The following KCND3 variants were observed in gnomAD, a reference collection of about 807,000 sequenced individuals.
The protein encoded by KCND3 is potassium voltage-gated channel subfamily D member 3, also known as A-type voltage-gated potassium channel KCND3.
A neutral mutation model predicts 51.1 loss-of-function variants in KCND3; 9 were observed. The observed-to-expected ratio is 0.18, with a 90% CI of 0.11 to 0.31. KCND3 has a LOEUF of 0.31. Among genes scored for constraint, KCND3 ranks in the 10% least tolerant of loss-of-function variants. KCND3 has a pLI of 1.00. For missense variants in KCND3, 526 were observed against 903.8 expected (o/e 0.58, Z 5.36); for synonymous variants, 349 against 368.0 (o/e 0.95, Z 0.59).
At chr1:111,986,183 G>C (rs759362686) in intron 1 of KCND3, among the ~76,000 whole-genome samples, 5 of 152,212 alleles carry the variant, frequency 3.3e-5, no homozygotes, top group Non-Finnish European at 7.3e-5. Context: ...TTCAGAGTTG[G>C]TTAACATTTA....
At chr1:111,937,441 G>T (rs1367421847) in intron 2 of KCND3, among the ~76,000 whole-genome samples, 2 of 152,174 alleles carry the variant, frequency 1.3e-5, no homozygotes, top group Non-Finnish European at 2.9e-5. Flanking sequence ...CTGGGGGAAG[G>T]TGGGTGGAGG....
At chr1:111,857,096 G>A (rs560682361) in intron 2 of KCND3, among the ~76,000 whole-genome samples, 39 of 152,226 alleles carry the variant, frequency 2.6e-4, no homozygotes, top group East Asian at 7.7e-4. Flanking sequence ...CTCGTCATGC[G>A]CCTTCTCATT....
intron 2 of KCND3, among the ~76,000 whole-genome samples, chr1:111,966,271 A>G (rs891885445): frequency 4.6e-5 from 7 of 152,246 alleles, no homozygotes; most frequent in Non-Finnish European, 1.0e-4. Flanking sequence ...ACAGCAATAT[A>G]TAGATTCCCT....
At position 111,959,825 on chromosome 1, in the gene KCND3, G is replaced by A. The variant is rs528621866; in HGVS notation, c.1106+21796C>T. 5.9e-5 allele frequency among the ~76,000 whole-genome samples: 9 copies of A among 152,080 alleles called. No homozygotes were observed. In the South Asian group the frequency reaches 1.5e-3, roughly 25 times the overall value. Reference sequence around the variant, plus strand: ...TCTCACAGCCTGATATGGTTTGGCCGTGTCCCCACCCAAATCTCATCTTGA... The same window carrying A: ...TCTCACAGCCTGATATGGTTTGGCCATGTCCCCACCCAAATCTCATCTTGA... On this transcript the variant is annotated intron_variant, in intron 2 of 7. Coordinates refer to ENST00000302127, the MANE Select transcript of KCND3 (RefSeq NM_001378969.1).
At chr1:111,942,991 T>C (rs1034522333) in intron 2 of KCND3, among the ~76,000 whole-genome samples, 3 of 152,088 alleles carry the variant, frequency 2.0e-5, no homozygotes, top group South Asian at 2.1e-4. Context: ...AATGCTGTGC[T>C]GGAGGGAATG....
chr1:111,796,702 C>A (rs1665072013), intron 2 of KCND3, among the ~76,000 whole-genome samples: 1 of 152,176 alleles, frequency 6.6e-6, no homozygotes, highest in Non-Finnish European at 1.5e-5. Context: ...CACAAGTTTA[C>A]AAACCTGCAC....
rs375794277 is a variant in KCND3, at chr1:111,890,127, T to C, written c.1106+91494A>G. Among the ~76,000 whole-genome samples, 23 of 152,212 alleles carry C rather than the reference T, an allele frequency of 1.5e-4. No individual in the cohort carries two copies. In the East Asian group the frequency reaches 4.2e-3, roughly 28 times the overall value. ...CTCTGGATGAAATGGGGAGGAATTGTAGGGTCCTGGGCAGAGGAAAATATG... is the reference window on the plus strand; with the variant it reads ...CTCTGGATGAAATGGGGAGGAATTGCAGGGTCCTGGGCAGAGGAAAATATG... On this transcript the variant is annotated intron_variant, in intron 2 of 7. Transcript: ENST00000302127.
chr1:111,888,465 C>G (rs550363868), intron 2 of KCND3, among the ~76,000 whole-genome samples: 1 of 152,236 alleles, frequency 6.6e-6, no homozygotes, highest in African/African-American at 2.4e-5. Flanking sequence ...GCGGGTGGAT[C>G]ACCTGAGGTC....
chr1:111,976,050 G>A (rs1174538295), intron 2 of KCND3, among the ~76,000 whole-genome samples: 1 of 152,132 alleles, frequency 6.6e-6, no homozygotes, highest in Non-Finnish European at 1.5e-5. Flanking sequence ...CTGATAAAAT[G>A]TATTTATTTA....
At chr1:111,864,620 C>A (rs539674955) in intron 2 of KCND3, among the ~76,000 whole-genome samples, 1 of 152,286 alleles carries the variant, frequency 6.6e-6, no homozygotes, top group South Asian at 2.1e-4. Context: ...CTGCTCCAGA[C>A]CCCAATCATC....
At chr1:111,944,428 C>T (rs1052828872) in intron 2 of KCND3, among the ~76,000 whole-genome samples, 2 of 152,228 alleles carry the variant, frequency 1.3e-5, no homozygotes, top group African/African-American at 4.8e-5. Flanking sequence ...CCCAAGGAGG[C>T]CCTTCCCAAG....
Position 111,811,200 on chromosome 1 carries a change from T to C in KCND3, c.1107-24094A>G, listed in dbSNP as rs540083474. Among the ~76,000 whole-genome samples the C allele has an allele frequency of 1.8e-4, 28 of 152,320 alleles. No homozygotes were observed. In the South Asian group the frequency reaches 5.2e-3, roughly 28 times the overall value. ...GGTCATCTTCCTCTCTGTGCTTTAC[T>C]TTCCTCATCTGCTCAGACAGAGGAA... is the stretch of plus-strand genomic sequence containing the variant. On this transcript the variant is annotated intron_variant, in intron 2 of 7. Coordinates refer to ENST00000302127, the MANE Select transcript of KCND3 (RefSeq NM_001378969.1).
chr1:111,989,140 T>C (rs1417519301), intron 1 of KCND3: 1 of 152,280 alleles, frequency 6.6e-6, no homozygotes, highest in Non-Finnish European at 1.5e-5. Flanking sequence ...GTTTCCACTT[T>C]CAGCCATTTC....
chr1:111,887,922 A>C (rs1057163177), intron 2 of KCND3, among the ~76,000 whole-genome samples: 10 of 152,212 alleles, frequency 6.6e-5, no homozygotes, highest in African/African-American at 2.4e-4. Context: ...TACACCTTAG[A>C]CCCAACTACA....
chr1:111,795,830 A>T (rs2813868), intron 2 of KCND3, among the ~76,000 whole-genome samples: 2,470 of 152,306 alleles, frequency 0.016, 65 homozygotes, highest in African/African-American at 0.057. Context: ...CTTTTTCTCC[A>T]CAACCTCACC....
At chr1:111,811,772 A>G (rs927444817) in intron 2 of KCND3, among the ~76,000 whole-genome samples, 3 of 152,112 alleles carry the variant, frequency 2.0e-5, no homozygotes, top group African/African-American at 7.2e-5. Flanking sequence ...CTAAAATTCT[A>G]TTTTCAACTT....
At chr1:111,945,422 C>T (rs1310694041) in intron 2 of KCND3, among the ~76,000 whole-genome samples, 2 of 152,220 alleles carry the variant, frequency 1.3e-5, no homozygotes, top group African/African-American at 2.4e-5. Context: ...CGGAGCACTG[C>T]CAGTTTCAGA....
intron 2 of KCND3, among the ~76,000 whole-genome samples, chr1:111,840,645 A>G (rs929596066): frequency 6.6e-6 from 1 of 152,230 alleles, no homozygotes; most frequent in East Asian, 1.9e-4. Context: ...TGACTGTAAT[A>G]TAGACATTTC....
chr1:111,860,128 C>T (rs1194090837), intron 2 of KCND3, among the ~76,000 whole-genome samples: 1 of 152,232 alleles, frequency 6.6e-6, no homozygotes, highest in Non-Finnish European at 1.5e-5. Flanking sequence ...ACGGCAGGCA[C>T]TTCAAAATAT....
Sources: allele counts gnomAD v4.1 joint callset (sites outside exome capture counted in the v4.1 genomes callset), GRCh38; gene constraint gnomAD v4.1.1; transcripts MANE v1.5; gene names NCBI Gene and HGNC (gene_info 2026-07-23, HGNC 2026-07-21).